CCDC97: variants seen among roughly 807,000 people sequenced by gnomAD.
The protein encoded by CCDC97 is coiled-coil domain-containing protein 97.
Under a neutral mutation model 33.9 loss-of-function variants are expected in CCDC97, and 27 were observed. The observed-to-expected ratio is 0.80, with a 90% CI of 0.59 to 1.10. The LOEUF is 1.10. Among genes scored for constraint, CCDC97 ranks in the 50% least tolerant of loss-of-function variants. The pLI is 0.00. For missense variants in CCDC97, 422 were observed against 476.6 expected, an observed-to-expected ratio of 0.89 and a Z score of 1.07; for synonymous variants, 217 against 194.0, an observed-to-expected ratio of 1.12 and a Z score of -0.99.
intron 1 of CCDC97, among the ~76,000 whole-genome samples, chr19:41,313,320 C>T (rs1445364155): frequency 6.6e-6 from 1 of 152,162 alleles, no homozygotes; most frequent in Non-Finnish European, 1.5e-5. Context: ...ACATTTCTCT[C>T]CTGAGGAGTC....
rs374485119 is a variant in CCDC97, at chr19:41,318,316, G to A, written c.503-1258G>A. ...ATACAAAAAAAATTAGCCAGGCACT[G>A]TGGCAGGTGCCTATAATCCCAGCTA... is the stretch of plus-strand genomic sequence containing the variant. On this transcript the variant is annotated intron_variant, in intron 2 of 4. Coordinates refer to ENST00000269967, the MANE Select transcript of CCDC97 (RefSeq NM_052848.3). 4.7e-4 allele frequency among the ~76,000 whole-genome samples: 72 copies of A among 152,320 alleles called. No homozygotes were observed. In the South Asian group the frequency reaches 0.014, roughly 31 times the overall value.
chr19:41,317,642 G>T (rs1362451590), intron 2 of CCDC97, among the ~76,000 whole-genome samples: 1 of 151,568 alleles, frequency 6.6e-6, no homozygotes, highest in African/African-American at 2.4e-5. Flanking sequence ...AGCCTGGGAG[G>T]TGGAAGTTGT....
intron 1 of CCDC97, among the ~76,000 whole-genome samples, chr19:41,314,129 C>T (rs1030669542): frequency 1.3e-5 from 2 of 151,976 alleles, no homozygotes; most frequent in African/African-American, 2.4e-5. Context: ...GACTTAGGGC[C>T]TCTCAGAGAT....
At chr19:41,320,803 A>C in intron 4 of CCDC97, 1 of 259,262 alleles carries the variant, frequency 3.9e-6, no homozygotes, top group East Asian at 9.9e-5. Flanking sequence ...AGGAAGCCCA[A>C]CCTCTTCCGC....
chr19:41,313,941 C>G (rs2037715034), intron 1 of CCDC97, among the ~76,000 whole-genome samples: 1 of 152,146 alleles, frequency 6.6e-6, no homozygotes, highest in African/African-American at 2.4e-5. Flanking sequence ...CTCAAGTGAT[C>G]TGCCCACCTC....
intron 3 of CCDC97, 86 bp downstream of exon 3, chr19:41,319,938 C>A: frequency 1.5e-6 from 1 of 687,452 alleles, no homozygotes; most frequent in South Asian, 1.9e-5. Flanking sequence ...GCAGGCTGGG[C>A]CCCCAACCTG....
rs368669358 is a variant in CCDC97 at position 41,316,674 on chromosome 19, A to G, written c.337A>G (p.Thr113Ala). 56 of 1,614,102 alleles carry G rather than the reference A, an allele frequency of 3.5e-5. No homozygotes were observed. The African/African-American group carries it at 4.5e-4, about 13-fold the overall frequency. Residue 113 changes from threonine (T) to alanine (A), a missense_variant, in exon 2 of 5, where the codon ACA (threonine) becomes GCA (alanine). By Grantham distance (58) the Thr-to-Ala change is moderately conservative (BLOSUM62 0). Coordinates refer to ENST00000269967, the MANE Select transcript of CCDC97 (RefSeq NM_052848.3). ...KPLVFLERFR[T>A]GLREEHLACF... Reference sequence around the variant, plus strand: ...ACTGGTGTTCCTGGAGCGCTTCCGCACAGGCCTCCGTGAGGAGCATCTGGC... The same window carrying G: ...ACTGGTGTTCCTGGAGCGCTTCCGCGCAGGCCTCCGTGAGGAGCATCTGGC...
intron 2 of CCDC97, among the ~76,000 whole-genome samples, chr19:41,318,414 C>T (rs1348359927): frequency 6.6e-6 from 1 of 152,138 alleles, no homozygotes; most frequent in Non-Finnish European, 1.5e-5. Flanking sequence ...ATCGAGATCA[C>T]ACCACTACAC....
Position 41,316,653 on chromosome 19 carries a change from G to C in CCDC97, c.316G>C (p.Val106Leu), listed in dbSNP as rs1449938170. Residue 106 changes from valine (V) to leucine (L), a missense_variant, in exon 2 of 5, where the codon GTG (valine) becomes CTG (leucine). Val to Leu is a conservative substitution (Grantham distance 32). Transcript: ENST00000269967. ...CCAGCTGTACCACGAGAAGCCACTG[G>C]TGTTCCTGGAGCGCTTCCGCACAGG... ...LAQLYHEKPLVFLERFRTGLR... is the reference protein window; with the variant it reads ...LAQLYHEKPLLFLERFRTGLR... 5 of 1,614,214 alleles carry C rather than the reference G, an allele frequency of 3.1e-6. No individual in the cohort carries two copies. The highest frequency in any genetic ancestry group is 4.2e-6 in the Non-Finnish European group (5 of 1,180,040).
Position 41,310,191 on chromosome 19 carries a change from C to T in CCDC97, c.-120C>T, listed in dbSNP as rs769715115. ...TGCCTTAGGCCCGGAACTTCGGTGC[C>T]TGGGCGCAGCGGTGCACCCGGACCC... On this transcript the variant is annotated 5_prime_UTR_variant, in exon 1 of 5. Transcript: ENST00000269967. 8 of 1,417,646 alleles carry T rather than the reference C, an allele frequency of 5.6e-6. No homozygotes were observed. The highest frequency in any genetic ancestry group is 7.7e-6 in the Non-Finnish European group (8 of 1,033,478). The allele number at this position is 1,417,646 out of a possible 1,614,324, so 87.8% of individuals were successfully genotyped here.
chr19:41,320,436 T>G lies in CCDC97; in HGVS notation c.877T>G (p.Phe293Val). 1 of 1,614,060 alleles carries G rather than the reference T, an allele frequency of 6.2e-7. No individual in the cohort carries two copies. The highest frequency in any genetic ancestry group is 8.5e-7 in the Non-Finnish European group (1 of 1,179,984). Reference protein sequence around the residue: ...EEFTSRMHQRFLDGKDGDFDY... With the variant: ...EEFTSRMHQRVLDGKDGDFDY... ...GTTCACCAGCCGCATGCACCAGCGC[T>G]TCCTAGATGGCAAGGACGGGGACTT... is the stretch of plus-strand genomic sequence containing the variant. Residue 293 changes from phenylalanine to valine, a missense_variant, in exon 4 of 5, where the codon TTC (phenylalanine) becomes GTC (valine). Physicochemically the swap from Phe to Val is conservative, Grantham distance 50. Transcript: ENST00000269967.
rs775601119 is a variant in CCDC97 at position 41,319,827 on chromosome 19, A to AGAGGAG, written c.762_767dup (p.Glu254_Glu255dup). ...AGGAGGCCTGCTTGGAGGAAGAGGA[A>AGAGGAG]GAGGAGGAGGACAGTGACGAGGAAG... On this transcript the variant is annotated inframe_insertion, in exon 3 of 5. Transcript: ENST00000269967. The AGAGGAG allele has an allele frequency of 6.4e-7, 1 of 1,566,292 alleles. No individual in the cohort carries two copies. The highest frequency in any genetic ancestry group is 8.7e-7 in the Non-Finnish European group (1 of 1,145,030).
intron 2 of CCDC97, among the ~76,000 whole-genome samples, chr19:41,318,677 C>T (rs1037601091): frequency 2.6e-5 from 4 of 152,230 alleles, no homozygotes; most frequent in Admixed American, 1.3e-4. Flanking sequence ...CAGAGTCACT[C>T]GTGCAGAAAC....
At position 41,324,651 on chromosome 19, in the gene CCDC97, A is replaced by C. The variant is rs889419023; in HGVS notation, c.*1936A>C. On this transcript the variant is annotated 3_prime_UTR_variant, in exon 5 of 5. Transcript: ENST00000269967. Reference sequence around the variant, plus strand: ...TAGGTACTACCAATATCACTCCTCTATTTCCCAGAGGAGGAAGCAGCAGCT... The same window carrying C: ...TAGGTACTACCAATATCACTCCTCTCTTTCCCAGAGGAGGAAGCAGCAGCT... The C allele has an allele frequency of 5.3e-5, 8 of 152,124 alleles. No homozygotes were observed. The highest frequency in any genetic ancestry group is 1.9e-4 in the African/African-American group (8 of 41,416). 9.4% of individuals were successfully genotyped at this position (152,124 alleles called of 1,614,324 possible).
Position 41,316,382 on chromosome 19 carries a change from A to G in CCDC97, c.47-2A>G. 1 of 1,604,902 alleles carries G rather than the reference A, an allele frequency of 6.2e-7. No individual in the cohort carries two copies. The highest frequency in any genetic ancestry group is 8.5e-7 in the Non-Finnish European group (1 of 1,172,624). On this transcript the variant is annotated splice_acceptor_variant, in intron 1 of 4. Coordinates refer to ENST00000269967, the MANE Select transcript of CCDC97 (RefSeq NM_052848.3). LOFTEE classifies it high-confidence loss of function. ...GAACTAACCAATCTCTCCTTTCCTC[A>G]GGCTGCATAGAGCCTGGACCTGGGC...
intron 1 of CCDC97, among the ~76,000 whole-genome samples, chr19:41,313,615 C>G (rs764537927): frequency 6.6e-6 from 1 of 152,176 alleles, no homozygotes; most frequent in African/African-American, 2.4e-5. Flanking sequence ...TCTGTTTTCA[C>G]GTATTTCCTG....
intron 4 of CCDC97, 136 bp from the exon 5 acceptor site, chr19:41,322,459 C>T (rs2037833682): frequency 1.1e-6 from 1 of 876,772 alleles, no homozygotes; most frequent in Non-Finnish European, 1.7e-6. Flanking sequence ...GAGTTTTAAA[C>T]ACTATCTCCC....
Position 41,317,076 on chromosome 19 carries a change from G to A in CCDC97, c.502+237G>A, listed in dbSNP as rs369514080. Among the ~76,000 whole-genome samples the A allele has an allele frequency of 7.9e-5, 12 of 152,324 alleles. No homozygotes were observed. In the East Asian group the frequency reaches 1.5e-3, roughly 20 times the overall value. On this transcript the variant is annotated intron_variant, in intron 2 of 4. Coordinates refer to ENST00000269967, the MANE Select transcript of CCDC97 (RefSeq NM_052848.3). ...AATGAGAATAGATCAGAATTTAGTA[G>A]ATGTTAGAAGTGGCATTTCAGATTG...
rs1398693611 is a variant in CCDC97, at chr19:41,324,317, T to A, written c.*1602T>A. On this transcript the variant is annotated 3_prime_UTR_variant, in exon 5 of 5. Transcript: ENST00000269967. The stretch of plus-strand genomic sequence containing the variant: ...CAAAGGAGGCCTGGAAAGATGTTGC[T>A]TCCTCAAGGCCACTCGGCCATCAGA... 1 of 152,200 alleles carries A rather than the reference T, an allele frequency of 6.6e-6. No individual in the cohort carries two copies. The highest frequency in any genetic ancestry group is 2.4e-5 in the African/African-American group (1 of 41,430). The allele number at this position is 152,200 out of a possible 1,614,324, so 9.4% of individuals were successfully genotyped here.
Sources: allele counts gnomAD v4.1 joint callset (sites outside exome capture counted in the v4.1 genomes callset), GRCh38; gene constraint gnomAD v4.1.1; transcripts MANE v1.5; gene names NCBI Gene and HGNC (gene_info 2026-07-23, HGNC 2026-07-21).